Variants in JMJD1C observed in about 807,000 individuals in gnomAD.
The protein encoded by JMJD1C is jumonji domain containing 1C.
JMJD1C carries 31 observed loss-of-function variants against 245.3 expected under a neutral mutation model. That is an observed-to-expected ratio of 0.13 (90% CI 0.09 to 0.17). The LOEUF is 0.17. JMJD1C is among the 10% of genes least tolerant of loss of function. The pLI is 1.00. For missense variants in JMJD1C, 2,691 were observed against 3,000.2 expected (o/e 0.90, Z 2.41); for synonymous variants, 1,057 against 1,017.4 (o/e 1.04, Z -0.74).
In JMJD1C at chr10:63,465,688, G is replaced by A; in HGVS notation, c.-26C>T. 1.2e-6 allele frequency: 2 copies of A among 1,605,088 alleles called. No homozygotes were observed. Among genetic ancestry groups the A allele is most frequent in the Non-Finnish European group, 1.7e-6 (2 of 1,179,528 alleles). On this transcript the variant is annotated 5_prime_UTR_variant, in exon 1 of 26. Transcript: ENST00000399262. ...AGCTGTCGCTGCCGAAGCGGCCGCT[G>A]CCTCCTCCAGTGCGAGGGAACCGAT...
intron 2 of JMJD1C, among the ~76,000 whole-genome samples, chr10:63,329,792 T>TC (rs1223389961): frequency 2.6e-5 from 4 of 152,220 alleles, no homozygotes. Context: ...AAGCCACAGC[T>TC]CCCCGTCAGC....
intron 3 of JMJD1C, among the ~76,000 whole-genome samples, chr10:63,263,585 C>G (rs1048125435): frequency 6.6e-6 from 1 of 152,146 alleles, no homozygotes; most frequent in South Asian, 2.1e-4. Context: ...TTTAAAACAT[C>G]TGAGTAAAAA....
intron 1 of JMJD1C, among the ~76,000 whole-genome samples, chr10:63,438,640 A>C (rs1039521876): frequency 2.8e-4 from 43 of 151,872 alleles, no homozygotes; most frequent in African/African-American, 9.2e-4. Context: ...CTCCTCTCCC[A>C]CTTTTCACTG....
chr10:63,359,856 G>A (rs1320803715), intron 2 of JMJD1C, among the ~76,000 whole-genome samples: 4 of 151,852 alleles, frequency 2.6e-5, no homozygotes, highest in Admixed American at 6.6e-5. Context: ...ATGGTAACCC[G>A]GTACTTTTAG....
chr10:63,204,351 CCTTTT>C, intron 10 of JMJD1C: 1 of 985,248 alleles, frequency 1.0e-6, no homozygotes, highest in Non-Finnish European at 1.2e-6. Flanking sequence ...TCATTCTGGC[CCTTTT>C]CTTAGAACTC....
chr10:63,305,629 C>CGTGTGTGTGTGTGTGTGGTGTGTGT (rs1938067815), intron 2 of JMJD1C, among the ~76,000 whole-genome samples: 1 of 121,682 alleles, frequency 8.2e-6, no homozygotes, highest in South Asian at 3.1e-4. Context: ...ACCATGCTGG[C>CGTGTGTGTGTGTGTGTGGTGTGTGT]GTGTGTGTGT....
chr10:63,521,831 C>A (rs1158466337), exon 1 of JMJD1C: 3 of 119,798 alleles, frequency 2.5e-5, no homozygotes, highest in South Asian at 4.7e-4. Context: ...TGGCGCTGCT[C>A]GGCTGCGTGC....
chr10:63,442,262 C>A (rs558560084), intron 1 of JMJD1C, among the ~76,000 whole-genome samples: 10 of 152,214 alleles, frequency 6.6e-5, no homozygotes, highest in Non-Finnish European at 1.3e-4. Flanking sequence ...AATTTTTAAA[C>A]CTGGGTATAT....
Position 63,203,601 on chromosome 10 carries a change from A to T in JMJD1C, c.5075-2924T>A, listed in dbSNP as rs1846264246. The T allele has an allele frequency of 3.1e-6, 3 of 956,864 alleles. No homozygotes were observed. In the African/African-American group the frequency reaches 5.3e-5, roughly 17 times the overall value. 59.3% of individuals were successfully genotyped at this position (956,864 alleles called of 1,614,324 possible). A position where few individuals can be genotyped will look rare whatever the true frequency, so the allele number is the denominator to read the frequency against. On this transcript the variant is annotated intron_variant, in intron 10 of 25. Transcript: ENST00000399262. ...TCAGATCATAAAATTAAATGTAAAA[A>T]TTAGATAAAATGTAAGATAGAAGTA...
chr10:63,178,019 C>T (rs1843017351), intron 22 of JMJD1C, among the ~76,000 whole-genome samples, 163 bp from the exon 23 acceptor site: 1 of 152,168 alleles, frequency 6.6e-6, no homozygotes, highest in Non-Finnish European at 1.5e-5. Context: ...TGGCTCACTG[C>T]AGCTTCCGCC....
chr10:63,215,180 T>C, intron 7 of JMJD1C, 29 bp from the exon 8 acceptor site: 3 of 1,513,116 alleles, frequency 2.0e-6, no homozygotes, highest in East Asian at 4.5e-5. Context: ...AAGAGTCTTA[T>C]TTTTCATACT....
chr10:63,400,193 C>CTAAA (rs1948762738), intron 1 of JMJD1C, among the ~76,000 whole-genome samples: 1 of 152,168 alleles, frequency 6.6e-6, no homozygotes, highest in Admixed American at 6.5e-5. Flanking sequence ...TTTTGCTACT[C>CTAAA]TAAATAATGC....
intron 1 of JMJD1C, among the ~76,000 whole-genome samples, chr10:63,443,906 C>G (rs1191193279): frequency 2.0e-5 from 3 of 152,180 alleles, no homozygotes; most frequent in Non-Finnish European, 4.4e-5. Context: ...GTGCCAGGAA[C>G]TGGGAACAAA....
intron 3 of JMJD1C, among the ~76,000 whole-genome samples, chr10:63,240,986 T>G (rs1041028277): frequency 6.6e-6 from 1 of 152,316 alleles, no homozygotes; most frequent in African/African-American, 2.4e-5. Flanking sequence ...TTACATAATG[T>G]AAGACAAAGC....
At chr10:63,429,451 C>T (rs1027901788) in intron 1 of JMJD1C, among the ~76,000 whole-genome samples, 1 of 152,170 alleles carries the variant, frequency 6.6e-6, no homozygotes, top group Non-Finnish European at 1.5e-5. Flanking sequence ...TCTCACAACT[C>T]ATTTATTGGC....
intron 2 of JMJD1C, among the ~76,000 whole-genome samples, chr10:63,272,122 T>A (rs2133836169): frequency 6.6e-6 from 1 of 151,622 alleles, no homozygotes; most frequent in East Asian, 1.9e-4. Flanking sequence ...ATATTTTCAA[T>A]TTAGTATATG....
intron 2 of JMJD1C, among the ~76,000 whole-genome samples, chr10:63,328,765 C>T (rs192054411): frequency 3.3e-5 from 5 of 152,306 alleles, no homozygotes; most frequent in African/African-American, 9.6e-5. Context: ...TAGAATTACA[C>T]AAAAATGTCT....
chr10:63,389,153 A>G (rs920936323), intron 1 of JMJD1C, among the ~76,000 whole-genome samples: 5 of 151,764 alleles, frequency 3.3e-5, no homozygotes, highest in Non-Finnish European at 5.9e-5. Context: ...GTGAAACCCT[A>G]TCTCTACTAA....
chr10:63,235,636 A>G (rs1430393788), intron 3 of JMJD1C, among the ~76,000 whole-genome samples: 1 of 152,250 alleles, frequency 6.6e-6, no homozygotes, highest in Admixed American at 6.5e-5. Context: ...GATTTTTTAA[A>G]TTGTCACAAG....
Sources: allele counts gnomAD v4.1 joint callset (sites outside exome capture counted in the v4.1 genomes callset), GRCh38; gene constraint gnomAD v4.1.1; transcripts MANE v1.5; gene names NCBI Gene and HGNC (gene_info 2026-07-23, HGNC 2026-07-21).